Variants in SORCS2 observed in about 807,000 individuals in gnomAD.
SORCS2 encodes the protein sortilin related VPS10 domain containing receptor 2, also known as VPS10 domain-containing receptor SorCS2.
A neutral mutation model predicts 141.6 loss-of-function variants in SORCS2; 100 were observed. That is an observed-to-expected ratio of 0.71 (90% CI 0.60 to 0.83). SORCS2 has a LOEUF of 0.83. Ranked by LOEUF, SORCS2 falls within the 40% of genes least tolerant of loss-of-function variation. SORCS2 has a pLI of 0.00. For missense variants in SORCS2, 1,646 were observed against 1,560.2 expected, an observed-to-expected ratio of 1.05 and a Z score of -0.93; for synonymous variants, 789 against 676.9, an observed-to-expected ratio of 1.17 and a Z score of -2.57.
intron 20 of SORCS2, among the ~76,000 whole-genome samples, chr4:7,725,843 A>G (rs1577126029): frequency 6.6e-6 from 1 of 152,212 alleles, no homozygotes; most frequent in Non-Finnish European, 1.5e-5. Flanking sequence ...ACCAGGCAGG[A>G]AGCCCCCTAC....
chr4:7,429,210 G>A (rs1472232987), intron 2 of SORCS2, among the ~76,000 whole-genome samples: 3 of 152,136 alleles, frequency 2.0e-5, no homozygotes, highest in Non-Finnish European at 2.9e-5. Context: ...GTGACATCAC[G>A]ATGTCCCTGC....
At chr4:7,696,025 T>C (rs552003020) in intron 11 of SORCS2, among the ~76,000 whole-genome samples, 2 of 151,932 alleles carry the variant, frequency 1.3e-5, no homozygotes, top group Non-Finnish European at 2.9e-5. Flanking sequence ...GATTTACGAG[T>C]AGCTAGGTAA....
Position 7,741,555 on chromosome 4 carries a change from CTCTCA to C in SORCS2, c.*1292_*1296del, listed in dbSNP as rs1712677024. 1.3e-5 allele frequency: 4 copies of C among 304,844 alleles called. No homozygotes were observed. Among genetic ancestry groups the C allele is most frequent in the Non-Finnish European group, 2.4e-5 (4 of 167,712 alleles). The allele number at this position is 304,844 out of a possible 1,614,324, so 18.9% of individuals were successfully genotyped here. ...GGGATCTCAGATGACCGTGGCCTCC[CTCTCA>C]GAGGGGGAGAACGCCAGAGCCCTGG... On this transcript the variant is annotated 3_prime_UTR_variant, in exon 27 of 27. Coordinates refer to ENST00000507866, the MANE Select transcript of SORCS2 (RefSeq NM_020777.3).
intron 8 of SORCS2, among the ~76,000 whole-genome samples, chr4:7,671,095 G>A (rs758162809): frequency 3.7e-4 from 56 of 152,168 alleles, no homozygotes; most frequent in Non-Finnish European, 6.5e-4. Flanking sequence ...AAAAGCAGAG[G>A]CTCAGAAAAG....
chr4:7,712,687 C>T (rs758377838), intron 14 of SORCS2, 46 bp from the exon 15 acceptor site: 1 of 1,612,636 alleles, frequency 6.2e-7, no homozygotes, highest in Admixed American at 1.7e-5. Context: ...AGGACAAGGC[C>T]TAATGAAGGT....
chr4:7,725,041 G>A (rs1282803343), intron 19 of SORCS2, 113 bp from the exon 20 acceptor site: 11 of 1,134,132 alleles, frequency 9.7e-6, no homozygotes, highest in Non-Finnish European at 1.4e-5. Context: ...GATAGTGGTA[G>A]TGGTGGTGGT....
chr4:7,360,438 C>T (rs779655390), intron 1 of SORCS2, among the ~76,000 whole-genome samples: 2 of 151,994 alleles, frequency 1.3e-5, no homozygotes, highest in Non-Finnish European at 2.9e-5. Context: ...GGAGCTTAGG[C>T]CCCTGTGAGC....
intron 2 of SORCS2, among the ~76,000 whole-genome samples, chr4:7,474,520 A>G (rs1291760361): frequency 6.6e-6 from 1 of 152,190 alleles, no homozygotes; most frequent in African/African-American, 2.4e-5. Flanking sequence ...GCAGGAGGGC[A>G]TGGGCCAGCA....
At chr4:7,256,387 A>G (rs773332979) in intron 1 of SORCS2, among the ~76,000 whole-genome samples, 20 of 152,212 alleles carry the variant, frequency 1.3e-4, no homozygotes, top group Non-Finnish European at 2.4e-4. Flanking sequence ...TAAAAATTAA[A>G]AAACAAAAAA....
intron 1 of SORCS2, among the ~76,000 whole-genome samples, chr4:7,377,864 C>T (rs1722758290): frequency 6.6e-6 from 1 of 152,186 alleles, no homozygotes; most frequent in Non-Finnish European, 1.5e-5. Context: ...GAATCGTTCC[C>T]GTCCTCGTCC....
chr4:7,231,044 C>A (rs1005849018), intron 1 of SORCS2, among the ~76,000 whole-genome samples: 1 of 151,828 alleles, frequency 6.6e-6, no homozygotes, highest in African/African-American at 2.4e-5. Context: ...CTGTCTATAT[C>A]TAGAGATTTT....
At chr4:7,657,950 A>G (rs961203679) in intron 5 of SORCS2, among the ~76,000 whole-genome samples, 2 of 150,346 alleles carry the variant, frequency 1.3e-5, no homozygotes, top group Non-Finnish European at 3.0e-5. Context: ...GAGTGAGTGG[A>G]CGAGTGATTA....
At chr4:7,368,450 G>C (rs958831474) in intron 1 of SORCS2, among the ~76,000 whole-genome samples, 1 of 152,196 alleles carries the variant, frequency 6.6e-6, no homozygotes, top group Non-Finnish European at 1.5e-5. Flanking sequence ...GCTGCCTGCC[G>C]GGAGTCCTGG....
rs748853748 is a variant in SORCS2 at position 7,714,271 on chromosome 4, G to A, written c.2021G>A (p.Ser674Asn). ...CGCTGTATCATGGGCCAGCAGAGAA[G>A]TTTCCGGAAAAGAAAGTCCACGTCC... ...GDRCIMGQQR[S>N]FRKRKSTSWC... The change falls in exon 16 of 27, where the codon AGT becomes AAT. Residue 674 changes from serine to asparagine, a missense_variant. Ser to Asn is a conservative substitution (Grantham distance 46). Coordinates refer to ENST00000507866, the MANE Select transcript of SORCS2 (RefSeq NM_020777.3). 22 of 1,610,840 alleles carry A rather than the reference G, an allele frequency of 1.4e-5. No homozygotes were observed. In the Admixed American group the frequency reaches 3.3e-4, roughly 25 times the overall value.
chr4:7,503,646 A>G (rs1732106897), intron 2 of SORCS2, among the ~76,000 whole-genome samples: 1 of 152,146 alleles, frequency 6.6e-6, no homozygotes, highest in African/African-American at 2.4e-5. Context: ...ACAGGTGCAG[A>G]TGGAGGTGGG....
Position 7,485,593 on chromosome 4 carries a change from A to G in SORCS2, c.549-45937A>G, listed in dbSNP as rs140421145. Among the ~76,000 whole-genome samples the G allele has an allele frequency of 3.5e-3, 528 of 152,312 alleles. 4 individuals are homozygous for G. The highest frequency in any genetic ancestry group is 0.012 in the African/African-American group (492 of 41,572). ...CAACACACTCTTGTTATTTTTCCTAACAATGGAAAACACGGGAAGGAAACG... is the reference window on the plus strand; with the variant it reads ...CAACACACTCTTGTTATTTTTCCTAGCAATGGAAAACACGGGAAGGAAACG... On this transcript the variant is annotated intron_variant, in intron 2 of 26. Coordinates refer to ENST00000507866, the MANE Select transcript of SORCS2 (RefSeq NM_020777.3).
At chr4:7,261,688 T>C (rs926200138) in intron 1 of SORCS2, among the ~76,000 whole-genome samples, 1 of 152,226 alleles carries the variant, frequency 6.6e-6, no homozygotes, top group Non-Finnish European at 1.5e-5. Flanking sequence ...ATCAGGCTGC[T>C]CGGCAAGCTG....
Position 7,664,383 on chromosome 4 carries a change from A to G in SORCS2, c.983A>G (p.Asn328Ser), listed in dbSNP as rs1421396398. The G allele has an allele frequency of 1.3e-5, 21 of 1,613,522 alleles. No individual in the cohort carries two copies. The highest frequency in any genetic ancestry group is 6.7e-5 in the East Asian group (3 of 44,848). ...CGGTACGTCACCTGCGCAATCCACA[A>G]TTGCTCCGAGAAGATGCTGACAGCC... ...DFRYVTCAIH[N>S]CSEKMLTAPF... The change falls in exon 7 of 27, where the codon AAT (asparagine) becomes AGT (serine). Residue 328 changes from asparagine (N) to serine (S), a missense_variant. Transcript: ENST00000507866. The surrounding 1 kb of genome is among the most constrained non-coding windows in gnomAD (Gnocchi z 4.7).
At chr4:7,269,043 G>T (rs1372799776) in intron 1 of SORCS2, among the ~76,000 whole-genome samples, 1 of 152,184 alleles carries the variant, frequency 6.6e-6, no homozygotes, top group Non-Finnish European at 1.5e-5. Flanking sequence ...CAGAGCGGGG[G>T]TTGAGGTTGA....
Sources: gnomAD v4.1 joint callset for allele counts (sites outside exome capture counted in the v4.1 genomes callset) on GRCh38, gnomAD v4.1.1 for gene constraint, Gnocchi (gnomAD v3.1) non-coding constraint, MANE v1.5 for transcripts, NCBI Gene and HGNC (gene_info 2026-07-23, HGNC 2026-07-21) for gene names.